The following PDSS2 variants were observed in gnomAD, a reference collection of about 807,000 sequenced individuals.
The protein encoded by PDSS2 is all trans-polyprenyl-diphosphate synthase PDSS2.
A neutral mutation model predicts 44.5 loss-of-function variants in PDSS2; 31 were observed. The observed-to-expected ratio is 0.70, with a 90% confidence interval of 0.52 to 0.94. The LOEUF is 0.94. PDSS2 is among the 40% of genes least tolerant of loss of function. The pLI is 0.00. For synonymous variants in PDSS2, 157 were observed against 180.3 expected (o/e 0.87, Z 1.03); for missense variants, 452 against 482.2 (o/e 0.94, Z 0.59).
chr6:107,294,605 A>G (rs1776450714), intron 2 of PDSS2, among the ~76,000 whole-genome samples: 1 of 152,178 alleles, frequency 6.6e-6, no homozygotes, highest in African/African-American at 2.4e-5. Context: ...CTAAGTGTAC[A>G]GCTTAATGCG....
chr6:107,406,945 A>G (rs1301980342), intron 1 of PDSS2, among the ~76,000 whole-genome samples: 2 of 152,236 alleles, frequency 1.3e-5, no homozygotes, highest in African/African-American at 4.8e-5. Flanking sequence ...AAGGAAGAAC[A>G]AGAAGTCAGT....
At chr6:107,307,616 C>T (rs1327553174) in intron 2 of PDSS2, among the ~76,000 whole-genome samples, 1 of 151,756 alleles carries the variant, frequency 6.6e-6, no homozygotes, top group Non-Finnish European at 1.5e-5. Flanking sequence ...TATACTTTTC[C>T]AAGTAACCTG....
At chr6:107,232,801 T>G (rs1291032062) in intron 4 of PDSS2, among the ~76,000 whole-genome samples, 1 of 152,072 alleles carries the variant, frequency 6.6e-6, no homozygotes, top group East Asian at 1.9e-4. Flanking sequence ...TAATGCTCAA[T>G]GACTATTTCC....
intron 3 of PDSS2, among the ~76,000 whole-genome samples, chr6:107,260,501 CA>C (rs910214945): frequency 2.6e-5 from 4 of 152,072 alleles, no homozygotes; most frequent in African/African-American, 9.7e-5. Context: ...TTATGGTATT[CA>C]AATTCAGTTG....
chr6:107,392,015 C>T (rs1779799863), intron 1 of PDSS2, among the ~76,000 whole-genome samples: 2 of 151,900 alleles, frequency 1.3e-5, no homozygotes, highest in Admixed American at 1.3e-4. Flanking sequence ...AGGATTTTAG[C>T]CATTTTACTA....
intron 1 of PDSS2, among the ~76,000 whole-genome samples, chr6:107,342,745 T>A (rs545712125): frequency 2.6e-4 from 40 of 152,278 alleles, no homozygotes; most frequent in African/African-American, 9.1e-4. Flanking sequence ...TTGAGATTTA[T>A]GAATAAGAGT....
chr6:107,238,652 T>C (rs115471136), intron 4 of PDSS2, among the ~76,000 whole-genome samples: 4,689 of 152,260 alleles, frequency 0.031, 253 homozygotes, highest in African/African-American at 0.11. Context: ...GCCTAGCATG[T>C]AGCAAAATTC....
At chr6:107,324,622 T>C (rs2115187382) in intron 2 of PDSS2, among the ~76,000 whole-genome samples, 1 of 152,310 alleles carries the variant, frequency 6.6e-6, no homozygotes, top group South Asian at 2.1e-4. Context: ...ACCACTGTTA[T>C]TAGCAGGTGA....
At chr6:107,276,830 A>C (rs1389557790) in intron 2 of PDSS2, among the ~76,000 whole-genome samples, 1 of 152,220 alleles carries the variant, frequency 6.6e-6, no homozygotes, top group African/African-American at 2.4e-5. Context: ...CTGAGACTAC[A>C]AGTTAAGAAA....
chr6:107,278,456 T>C (rs1362311521), intron 2 of PDSS2, among the ~76,000 whole-genome samples: 1 of 152,220 alleles, frequency 6.6e-6, no homozygotes, highest in Non-Finnish European at 1.5e-5. Context: ...ATTTCTAGTT[T>C]ACAAAACCAT....
chr6:107,212,818 C>T (rs1345506905), intron 4 of PDSS2, among the ~76,000 whole-genome samples: 102 of 129,340 alleles, frequency 7.9e-4, no homozygotes, highest in Non-Finnish European at 1.4e-3. Flanking sequence ...CCAGCCTGGG[C>T]AACATAGCAA....
chr6:107,196,174 T>G (rs955322547), intron 6 of PDSS2, among the ~76,000 whole-genome samples: 3 of 152,204 alleles, frequency 2.0e-5, no homozygotes, highest in African/African-American at 7.2e-5. Flanking sequence ...TATTTTATAT[T>G]TATTCGTTTG....
chr6:107,435,890 A>C (rs1562538506), intron 1 of PDSS2, among the ~76,000 whole-genome samples: 1 of 152,162 alleles, frequency 6.6e-6, no homozygotes, highest in Non-Finnish European at 1.5e-5. Context: ...CAGGAGAATA[A>C]TTTTTTAAAG....
At chr6:107,191,956 C>G (rs897661594) in intron 7 of PDSS2, among the ~76,000 whole-genome samples, 1 of 152,092 alleles carries the variant, frequency 6.6e-6, no homozygotes, top group Admixed American at 6.6e-5. Flanking sequence ...GTGTGGGATG[C>G]TGATGGTGAG....
intron 1 of PDSS2, among the ~76,000 whole-genome samples, chr6:107,374,063 T>C (rs186534193): frequency 6.6e-6 from 1 of 152,166 alleles, no homozygotes; most frequent in Non-Finnish European, 1.5e-5. Context: ...AAGACCAGCC[T>C]GGTCAATATG....
intron 1 of PDSS2, among the ~76,000 whole-genome samples, chr6:107,351,085 A>T (rs1778421989): frequency 6.6e-6 from 1 of 152,228 alleles, no homozygotes; most frequent in Non-Finnish European, 1.5e-5. Context: ...AAAAAAATTG[A>T]TAAAAGTAAT....
chr6:107,157,185 T>C (rs117651466), intron 7 of PDSS2, among the ~76,000 whole-genome samples: 2,302 of 152,084 alleles, frequency 0.015, 120 homozygotes, highest in East Asian at 0.11. Flanking sequence ...TCCTCCTTTA[T>C]TTATTTATGT....
chr6:107,324,599 C>T, intron 2 of PDSS2, among the ~76,000 whole-genome samples: 1 of 152,114 alleles, frequency 6.6e-6, no homozygotes, highest in East Asian at 1.9e-4. Context: ...CTCTCCAACC[C>T]CTTCTTTCTT....
intron 2 of PDSS2, among the ~76,000 whole-genome samples, chr6:107,283,706 G>A (rs962598050): frequency 2.0e-5 from 3 of 151,862 alleles, no homozygotes; most frequent in African/African-American, 7.3e-5. Context: ...GGCAACAAGA[G>A]TGAAACTCCA....
Sources: gnomAD v4.1 joint callset for allele counts (sites outside exome capture counted in the v4.1 genomes callset) on GRCh38, gnomAD v4.1.1 for gene constraint, MANE v1.5 for transcripts, NCBI Gene and HGNC (gene_info 2026-07-23, HGNC 2026-07-21) for gene names.